The following MAST4 variants were observed in gnomAD, a reference collection of about 807,000 sequenced individuals.
The protein encoded by MAST4 is microtubule associated serine/threonine kinase family member 4, also known as microtubule-associated serine/threonine-protein kinase 4.
In MAST4, 89 loss-of-function variants were observed where a neutral mutation model predicts 162.7. The observed-to-expected ratio is 0.55, with a 90% CI of 0.46 to 0.65. The LOEUF is 0.65. Ranked by LOEUF, MAST4 falls within the 30% of genes least tolerant of loss-of-function variation. MAST4 has a pLI of 0.00. For missense variants in MAST4, 3,153 were observed against 3,374.0 expected, an observed-to-expected ratio of 0.93 and a Z score of 1.62; for synonymous variants, 1,479 against 1,361.1, an observed-to-expected ratio of 1.09 and a Z score of -1.91.
intron 1 of MAST4, among the ~76,000 whole-genome samples, chr5:66,615,801 C>T (rs1311466531): frequency 6.6e-6 from 1 of 152,156 alleles, no homozygotes; most frequent in Non-Finnish European, 1.5e-5. Flanking sequence ...GAGCGAGATC[C>T]TTGACTCAAA....
intron 3 of MAST4, among the ~76,000 whole-genome samples, chr5:66,872,749 C>T (rs990231888): frequency 5.3e-5 from 8 of 152,130 alleles, no homozygotes; most frequent in African/African-American, 7.2e-5. Flanking sequence ...CAGAGTACGG[C>T]GGGGCCTTCT....
chr5:66,825,105 TA>T (rs1212101270), intron 3 of MAST4, among the ~76,000 whole-genome samples: 2 of 152,234 alleles, frequency 1.3e-5, no homozygotes, highest in Non-Finnish European at 2.9e-5. Context: ...TTTTACTTTA[TA>T]GACTTTTTAA....
intron 14 of MAST4, among the ~76,000 whole-genome samples, chr5:67,125,033 C>A (rs918687492): frequency 2.6e-5 from 4 of 152,124 alleles, no homozygotes; most frequent in Non-Finnish European, 5.9e-5. Context: ...ACCTTGTGAT[C>A]ATCTGTGAAA....
At chr5:67,032,793 A>G (rs1755513972) in intron 4 of MAST4, among the ~76,000 whole-genome samples, 1 of 152,154 alleles carries the variant, frequency 6.6e-6, no homozygotes, top group African/African-American at 2.4e-5. Context: ...GAAAAAGAAA[A>G]TGATGTGTAT....
At chr5:66,629,223 C>G (rs1370370850) in intron 1 of MAST4, among the ~76,000 whole-genome samples, 1 of 152,146 alleles carries the variant, frequency 6.6e-6, no homozygotes, top group Admixed American at 6.6e-5. Flanking sequence ...AAGAAACATA[C>G]TTGGCATATA....
At chr5:66,961,031 G>A (rs995178102) in intron 4 of MAST4, among the ~76,000 whole-genome samples, 5 of 152,142 alleles carry the variant, frequency 3.3e-5, no homozygotes, top group Admixed American at 2.0e-4. Flanking sequence ...CCTAGGGAGC[G>A]TGAGAGTGGA....
intron 4 of MAST4, among the ~76,000 whole-genome samples, chr5:67,049,040 T>TATATATATATATATAC (rs1554087420): frequency 5.2e-5 from 5 of 96,734 alleles, no homozygotes; most frequent in Non-Finnish European, 9.9e-5. Flanking sequence ...TATATATATA[T>TATATATATATATATAC]ACGTGTATAT....
At chr5:67,162,061 C>G (rs996998958) in intron 27 of MAST4, among the ~76,000 whole-genome samples, 6 of 152,138 alleles carry the variant, frequency 3.9e-5, no homozygotes, top group Non-Finnish European at 7.3e-5. Context: ...TTCAGCTTCA[C>G]CTTTCTCGGT....
In MAST4 at chr5:67,163,813, C is replaced by T; in HGVS notation, c.4634C>T (p.Pro1545Leu). The T allele has an allele frequency of 1.2e-6, 2 of 1,612,930 alleles. No individual in the cohort carries two copies. The highest frequency in any genetic ancestry group is 8.5e-7 in the Non-Finnish European group (1 of 1,179,478). Residue 1545 changes from proline to leucine, a missense_variant, in exon 29 of 29, where the codon CCA (proline) becomes CTA (leucine). Transcript: ENST00000403625. The surrounding 1 kb of genome is among the most constrained non-coding windows in gnomAD (Gnocchi z 7.0). ...GTGGTGAAGAAAGCAGACGGCTTCCCAGAGAAACAGGAATCCCACCAGAAA... is the reference window on the plus strand; with the variant it reads ...GTGGTGAAGAAAGCAGACGGCTTCCTAGAGAAACAGGAATCCCACCAGAAA... ...KVVVKKADGF[P>L]EKQESHQKSH...
intron 4 of MAST4, among the ~76,000 whole-genome samples, chr5:66,968,262 C>T (rs1335096759): frequency 6.6e-6 from 1 of 152,164 alleles, no homozygotes; most frequent in East Asian, 1.9e-4. Flanking sequence ...TCTTGTGTTC[C>T]TTGTATTTTA....
intron 3 of MAST4, among the ~76,000 whole-genome samples, chr5:66,845,126 T>TATATATATATATATACATAC (rs1358855625): frequency 1.5e-5 from 1 of 67,178 alleles, no homozygotes; most frequent in East Asian, 8.0e-4. Context: ...TATATATATA[T>TATATATATATATATACATAC]ACACACACAC....
chr5:66,913,724 C>G (rs1763922480), intron 4 of MAST4, among the ~76,000 whole-genome samples: 2 of 152,176 alleles, frequency 1.3e-5, no homozygotes, highest in Admixed American at 1.3e-4. Context: ...TCCAAAGTCA[C>G]AAAGGTTTTC....
intron 6 of MAST4, among the ~76,000 whole-genome samples, chr5:67,091,394 A>G (rs549001230): frequency 8.5e-5 from 13 of 152,230 alleles, no homozygotes; most frequent in Non-Finnish European, 1.6e-4. Context: ...TGATAAAAAC[A>G]TCATCTCCAG....
At chr5:66,989,721 T>A (rs1046434393) in intron 4 of MAST4, among the ~76,000 whole-genome samples, 2 of 152,212 alleles carry the variant, frequency 1.3e-5, no homozygotes, top group African/African-American at 4.8e-5. Flanking sequence ...TTTTTTTCAA[T>A]CCAAGAAGAA....
In MAST4 at chr5:67,014,148, C is replaced by A. The variant is rs552981119; in HGVS notation, c.675-40256C>A. Among the ~76,000 whole-genome samples the A allele has an allele frequency of 5.9e-5, 9 of 151,962 alleles. No homozygotes were observed. In the East Asian group the frequency reaches 1.7e-3, roughly 29 times the overall value. ...TTTTATCTACTTAACTATTCCCTAT[C>A]CTAGTACCCTTCCAGATAAACACAA... On this transcript the variant is annotated intron_variant, in intron 4 of 28. Transcript: ENST00000403625.
chr5:66,831,381 C>A (rs547447609), intron 3 of MAST4, among the ~76,000 whole-genome samples: 1 of 152,286 alleles, frequency 6.6e-6, no homozygotes, highest in South Asian at 2.1e-4. Context: ...CAAACCAGCT[C>A]TTTAACTTAA....
At chr5:67,065,791 A>G (rs185671605) in intron 5 of MAST4, among the ~76,000 whole-genome samples, 1 of 152,356 alleles carries the variant, frequency 6.6e-6, no homozygotes, top group African/African-American at 2.4e-5. Context: ...TTTAATGCAG[A>G]TTTTAAAAAC....
intron 3 of MAST4, among the ~76,000 whole-genome samples, chr5:66,841,047 G>GTT (rs1758388632): frequency 1.3e-5 from 2 of 152,116 alleles, no homozygotes; most frequent in Non-Finnish European, 2.9e-5. Flanking sequence ...TGGGCATGCT[G>GTT]TTTTCTTCTA....
chr5:66,622,228 G>C (rs1237408363), intron 1 of MAST4, among the ~76,000 whole-genome samples: 1 of 152,190 alleles, frequency 6.6e-6, no homozygotes, highest in Admixed American at 6.5e-5. Context: ...GTTTGGCCAT[G>C]TGTCTATCTG....
Sources: gnomAD v4.1 joint callset for allele counts (sites outside exome capture counted in the v4.1 genomes callset) on GRCh38, gnomAD v4.1.1 for gene constraint, Gnocchi (gnomAD v3.1) non-coding constraint, MANE v1.5 for transcripts, NCBI Gene and HGNC (gene_info 2026-07-23, HGNC 2026-07-21) for gene names.